PALM2AKAP2: variants seen among roughly 807,000 people sequenced by gnomAD.
PALM2AKAP2 encodes PALM2 and AKAP2 fusion, also known as PALM2-AKAP2 fusion protein.
A neutral mutation model predicts 71.5 loss-of-function variants in PALM2AKAP2; 37 were observed. The ratio of observed to expected loss-of-function variants is 0.52; its 90% CI spans 0.40 to 0.68. The LOEUF is 0.68. Among genes scored for constraint, PALM2AKAP2 ranks in the 30% least tolerant of loss-of-function variants. The probability of loss-of-function intolerance (pLI) is 0.00; values close to 1 mark genes in which losing one functional copy is unlikely to be tolerated. For synonymous variants in PALM2AKAP2, 468 were observed against 478.8 expected, an observed-to-expected ratio of 0.98 and a Z score of 0.29; for missense variants, 1,224 against 1,191.8, an observed-to-expected ratio of 1.03 and a Z score of -0.40.
At chr9:110,107,670 G>A (rs1000007811) in intron 1 of PALM2AKAP2, among the ~76,000 whole-genome samples, 4 of 152,284 alleles carry the variant, frequency 2.6e-5, no homozygotes, top group African/African-American at 4.8e-5. Flanking sequence ...GGGTTCAAGC[G>A]ATTCTCCTGC....
intron 2 of PALM2AKAP2, among the ~76,000 whole-genome samples, chr9:110,147,203 A>G (rs1331515919): frequency 2.6e-5 from 4 of 151,192 alleles, no homozygotes; most frequent in East Asian, 1.9e-4. Flanking sequence ...GTGAGCTACA[A>G]TCCCTACTGC....
chr9:109,904,896 CT>C (rs770463610), intron 3 of PALM2AKAP2, among the ~76,000 whole-genome samples: 8 of 152,148 alleles, frequency 5.3e-5, no homozygotes, highest in Non-Finnish European at 1.0e-4. Context: ...CATTGTTTTT[CT>C]TTGGACGTTA....
intron 3 of PALM2AKAP2, among the ~76,000 whole-genome samples, chr9:109,897,749 T>C (rs1307576301): frequency 1.3e-5 from 2 of 152,248 alleles, no homozygotes; most frequent in Non-Finnish European, 2.9e-5. Context: ...CGAATCATAT[T>C]CACTTCATTC....
intron 1 of PALM2AKAP2, among the ~76,000 whole-genome samples, chr9:109,804,486 T>C (rs755499173): frequency 7.2e-5 from 11 of 152,230 alleles, no homozygotes; most frequent in Non-Finnish European, 1.6e-4. Context: ...TAGAAGTTAG[T>C]TGTTTTCCCC....
At chr9:109,716,750 G>C (rs240) in intron 1 of PALM2AKAP2, among the ~76,000 whole-genome samples, 62,017 of 152,022 alleles carry the variant, frequency 0.41, 12,791 homozygotes, top group South Asian at 0.51. Context: ...TTACAGGAAG[G>C]TGAGCCTAAC....
At chr9:109,857,061 C>T (rs1242574494) in intron 1 of PALM2AKAP2, among the ~76,000 whole-genome samples, 4 of 152,144 alleles carry the variant, frequency 2.6e-5, no homozygotes, top group African/African-American at 9.7e-5. Context: ...ATGCAGTGTC[C>T]ACCCCCGCTT....
intron 7 of PALM2AKAP2, among the ~76,000 whole-genome samples, chr9:110,022,735 C>CA (rs1259627879): frequency 1.3e-5 from 2 of 152,000 alleles, no homozygotes; most frequent in South Asian, 2.1e-4. Context: ...CCTCTCCCCC[C>CA]ACCCCACAAC....
At chr9:109,841,257 A>G (rs1303838961) in intron 1 of PALM2AKAP2, among the ~76,000 whole-genome samples, 4 of 151,072 alleles carry the variant, frequency 2.6e-5, no homozygotes, top group South Asian at 2.1e-4. Flanking sequence ...TCAGCAAACT[A>G]TCGCAGGGAC....
chr9:110,083,325 T>A (rs1181872173), intron 1 of PALM2AKAP2, among the ~76,000 whole-genome samples: 2 of 152,088 alleles, frequency 1.3e-5, no homozygotes, highest in African/African-American at 4.8e-5. Flanking sequence ...GAGTTTTTTT[T>A]AAAAAGGCAT....
chr9:109,641,426 A>C (rs1182883203), intron 1 of PALM2AKAP2, among the ~76,000 whole-genome samples: 1 of 152,236 alleles, frequency 6.6e-6, no homozygotes, highest in Non-Finnish European at 1.5e-5. Flanking sequence ...AAATAAGACA[A>C]ACATATTGGC....
chr9:110,138,206 C>T (rs752803948), exon 2 of PALM2AKAP2: 2 of 1,614,058 alleles, frequency 1.2e-6, no homozygotes, highest in South Asian at 1.1e-5. Context: ...AAGGGGGCCC[C>T]CCCAGCCACT....
At chr9:109,866,541 C>G (rs893723834) in intron 1 of PALM2AKAP2, among the ~76,000 whole-genome samples, 1 of 152,110 alleles carries the variant, frequency 6.6e-6, no homozygotes, top group Admixed American at 6.6e-5. Context: ...AGGGTACACT[C>G]TAATGGAAAG....
intron 1 of PALM2AKAP2, among the ~76,000 whole-genome samples, chr9:109,855,247 A>G (rs1829131727): frequency 6.6e-6 from 1 of 151,614 alleles, no homozygotes; most frequent in South Asian, 2.1e-4. Flanking sequence ...TAATTTTTGC[A>G]TTTTTTGTAG....
chr9:110,051,187 T>C (rs766176141), intron 1 of PALM2AKAP2, among the ~76,000 whole-genome samples: 1 of 152,216 alleles, frequency 6.6e-6, no homozygotes. Flanking sequence ...TATCTCATAG[T>C]TCTGGCATGA....
Position 109,968,217 on chromosome 9 carries a change from G to A in PALM2AKAP2, c.496+36189G>A, listed in dbSNP as rs370595171. On this transcript the variant is annotated intron_variant, in intron 6 of 9. Coordinates refer to the PALM2AKAP2 transcript ENST00000302798. ...GAGGGACTCCTGCATTTGCTCAGAGGCCACCATGGCCCTGGGGGTCTGGCC... is the reference window on the plus strand; with the variant it reads ...GAGGGACTCCTGCATTTGCTCAGAGACCACCATGGCCCTGGGGGTCTGGCC... Among the ~76,000 whole-genome samples the A allele has an allele frequency of 9.8e-5, 15 of 152,314 alleles. No homozygotes were observed. In the East Asian group the frequency reaches 2.5e-3, roughly 25 times the overall value.
chr9:110,125,332 A>G (rs924863543), intron 1 of PALM2AKAP2, among the ~76,000 whole-genome samples: 1 of 152,210 alleles, frequency 6.6e-6, no homozygotes, highest in Non-Finnish European at 1.5e-5. Context: ...TGACAGGAGC[A>G]GGCCGGGCCT....
In PALM2AKAP2 at chr9:110,136,716, G is replaced by A. The variant is rs147833425; in HGVS notation, c.746G>A (p.Arg249Gln). ...AGCCCCAGCTCCACAACCAGCTCAC[G>A]GTGTTCTTCCCGAGATGGAGAGTTC... is the stretch of plus-strand genomic sequence containing the variant. Residue 249 changes from arginine to glutamine, a missense_variant, in exon 2 of 4, where the codon CGG becomes CAG. Coordinates refer to ENST00000374525, the Ensembl canonical transcript of PALM2AKAP2. The A allele has an allele frequency of 1.4e-3, 2,292 of 1,614,118 alleles. 2 individuals carry two copies. The highest frequency in any genetic ancestry group is 2.1e-3 in the Admixed American group (126 of 60,016).
At chr9:109,721,157 GC>G (rs779671862) in intron 1 of PALM2AKAP2, among the ~76,000 whole-genome samples, 4 of 152,174 alleles carry the variant, frequency 2.6e-5, no homozygotes, top group Non-Finnish European at 5.9e-5. Flanking sequence ...CAGGATTCTA[GC>G]CAAAGTGTGC....
chr9:109,994,220 GC>G (rs1485554632), intron 6 of PALM2AKAP2, among the ~76,000 whole-genome samples: 1 of 152,188 alleles, frequency 6.6e-6, no homozygotes, highest in Non-Finnish European at 1.5e-5. Context: ...TTAAAAATTT[GC>G]ATGTGTGTCC....
Sources: allele counts gnomAD v4.1 joint callset (sites outside exome capture counted in the v4.1 genomes callset), GRCh38; gene constraint gnomAD v4.1.1; transcripts MANE v1.5; gene names NCBI Gene and HGNC (gene_info 2026-07-23, HGNC 2026-07-21).